ADAMTS17: variants seen among roughly 807,000 people sequenced by gnomAD.
ADAMTS17 encodes A disintegrin and metalloproteinase with thrombospondin motifs 17.
In ADAMTS17, 113 loss-of-function variants were observed where a neutral mutation model predicts 141.5. The observed-to-expected ratio is 0.80, with a 90% CI of 0.69 to 0.93. ADAMTS17 has a LOEUF of 0.93. ADAMTS17 is among the 40% of genes least tolerant of loss of function. The pLI is 0.00. For synonymous variants in ADAMTS17, 768 were observed against 630.6 expected, an observed-to-expected ratio of 1.22 and a Z score of -3.27; for missense variants, 1,659 against 1,517.9, an observed-to-expected ratio of 1.09 and a Z score of -1.54.
intron 3 of ADAMTS17, among the ~76,000 whole-genome samples, chr15:100,286,503 C>G (rs995846117): frequency 1.3e-5 from 2 of 152,178 alleles, no homozygotes; most frequent in Non-Finnish European, 2.9e-5. Flanking sequence ...GACCAGAAAA[C>G]AAAGCTGGGA....
intron 7 of ADAMTS17, among the ~76,000 whole-genome samples, chr15:100,209,574 A>T (rs528142836): frequency 2.8e-4 from 42 of 151,576 alleles, no homozygotes; most frequent in African/African-American, 9.7e-4. Context: ...TGCTGACAGG[A>T]TATAAAAATG....
At chr15:99,987,161 C>T (rs1020377194) in intron 20 of ADAMTS17, among the ~76,000 whole-genome samples, 5 of 152,226 alleles carry the variant, frequency 3.3e-5, no homozygotes, top group Non-Finnish European at 7.3e-5. Flanking sequence ...CCATTCCTCA[C>T]CTCCTTGGAA....
chr15:99,974,972 A>G (rs772725860), intron 21 of ADAMTS17, among the ~76,000 whole-genome samples: 1 of 152,212 alleles, frequency 6.6e-6, no homozygotes, highest in Non-Finnish European at 1.5e-5. Flanking sequence ...AGTGGCCCAA[A>G]TATCCTTCAG....
intron 3 of ADAMTS17, among the ~76,000 whole-genome samples, chr15:100,286,028 G>A (rs2044434804): frequency 6.6e-6 from 1 of 152,142 alleles, no homozygotes; most frequent in Non-Finnish European, 1.5e-5. Context: ...GTGCTTCCCA[G>A]GGGCGGCCCA....
At chr15:100,080,924 T>C (rs564020926) in intron 15 of ADAMTS17, among the ~76,000 whole-genome samples, 2 of 152,328 alleles carry the variant, frequency 1.3e-5, no homozygotes, top group African/African-American at 2.4e-5. Context: ...AGACTATGTG[T>C]GTTCTCAGGA....
chr15:100,322,296 G>C (rs931036761), intron 3 of ADAMTS17, among the ~76,000 whole-genome samples: 1 of 152,138 alleles, frequency 6.6e-6, no homozygotes, highest in African/African-American at 2.4e-5. Context: ...TGCTGGAAAG[G>C]AGAGATCCAC....
chr15:100,341,971 G>C lies in ADAMTS17; in HGVS notation c.-72C>G. 6 of 1,517,028 alleles carry C rather than the reference G, an allele frequency of 4.0e-6. No homozygotes were observed. Among genetic ancestry groups the C allele is most frequent in the Admixed American group, 3.9e-5 (2 of 50,856 alleles). The allele number at this position is 1,517,028 out of a possible 1,614,324, so 94.0% of individuals were successfully genotyped here. A position where few individuals can be genotyped will look rare whatever the true frequency, so the allele number is the denominator to read the frequency against. On this transcript the variant is annotated 5_prime_UTR_variant, in exon 1 of 22. Transcript: ENST00000268070. Reference sequence around the variant, plus strand: ...AGCGCGCTAGGCGGCGGCGCCAGCCGGAGTGAAGCCCTCCAGCCTTTGGAA... The same window carrying C: ...AGCGCGCTAGGCGGCGGCGCCAGCCCGAGTGAAGCCCTCCAGCCTTTGGAA...
At chr15:100,199,220 T>G in intron 8 of ADAMTS17, 98 bp downstream of exon 8, 1 of 1,172,144 alleles carries the variant, frequency 8.5e-7, no homozygotes, top group Non-Finnish European at 1.3e-6. Flanking sequence ...AGCAAAGGCA[T>G]AGAGCAGCAC....
intron 14 of ADAMTS17, among the ~76,000 whole-genome samples, chr15:100,098,160 G>A (rs1323625781): frequency 6.6e-6 from 1 of 152,202 alleles, no homozygotes; most frequent in Non-Finnish European, 1.5e-5. Context: ...TGGCTGGGGA[G>A]ATGTAGGTAA....
At chr15:100,182,929 T>C (rs768933259) in intron 8 of ADAMTS17, among the ~76,000 whole-genome samples, 1 of 152,214 alleles carries the variant, frequency 6.6e-6, no homozygotes, top group Non-Finnish European at 1.5e-5. Flanking sequence ...TTTCGGACTT[T>C]ATTTCTTCAA....
chr15:99,984,354 T>C (rs757872562), intron 20 of ADAMTS17, among the ~76,000 whole-genome samples: 1 of 152,150 alleles, frequency 6.6e-6, no homozygotes, highest in African/African-American at 2.4e-5. Context: ...AAAGCTGCAG[T>C]GAGACAGCTG....
At chr15:100,330,639 T>TATAA (rs1171884707) in intron 3 of ADAMTS17, among the ~76,000 whole-genome samples, 2 of 152,114 alleles carry the variant, frequency 1.3e-5, no homozygotes, top group Non-Finnish European at 2.9e-5. Context: ...GCTCTTGATA[T>TATAA]ATAAAATTGA....
intron 7 of ADAMTS17, among the ~76,000 whole-genome samples, chr15:100,243,687 G>A (rs988817272): frequency 6.6e-6 from 1 of 151,984 alleles, no homozygotes; most frequent in African/African-American, 2.4e-5. Context: ...CTACGTGGGA[G>A]GCTGAGGCAG....
chr15:100,053,962 C>T lies in ADAMTS17; in HGVS notation c.2230G>A (p.Val744Met), dbSNP rs757103791. 6.2e-7 allele frequency: 1 copy of T among 1,614,222 alleles called. No homozygotes were observed. The highest frequency in any genetic ancestry group is 1.7e-5 in the Admixed American group (1 of 60,030). Residue 744 changes from valine to methionine, a missense_variant, in exon 16 of 22, where the codon GTG (valine) becomes ATG (methionine). By Grantham distance (21) the Val-to-Met change is conservative. Coordinates refer to ENST00000268070, the MANE Select transcript of ADAMTS17 (RefSeq NM_139057.4). ...FQIAGTTVRY[V>M]RRGLWEKISA... is the part of the protein sequence containing the mutation. Reference sequence around the variant, plus strand: ...ATCTTCTCCCACAGCCCCCTTCTCACATAGCGAACAGTTGTGCCTGCAATC... The same window carrying T: ...ATCTTCTCCCACAGCCCCCTTCTCATATAGCGAACAGTTGTGCCTGCAATC...
chr15:100,063,079 T>C (rs1421200068), intron 15 of ADAMTS17, among the ~76,000 whole-genome samples: 1 of 152,230 alleles, frequency 6.6e-6, no homozygotes, highest in African/African-American at 2.4e-5. Flanking sequence ...TTTATCAGAA[T>C]GGCTTTGCTC....
chr15:100,165,596 TAA>T (rs374856474), intron 8 of ADAMTS17, among the ~76,000 whole-genome samples: 15 of 152,188 alleles, frequency 9.9e-5, no homozygotes, highest in African/African-American at 3.6e-4. Context: ...GACTCTGAGT[TAA>T]AGATTTGAAA....
At chr15:100,256,764 T>A (rs1268265256) in intron 6 of ADAMTS17, 2 of 152,072 alleles carry the variant, frequency 1.3e-5, no homozygotes, top group African/African-American at 4.8e-5. Context: ...CGAGGAGGAG[T>A]TCTCGACTTC....
chr15:100,292,843 T>G (rs996270643), intron 3 of ADAMTS17, among the ~76,000 whole-genome samples: 1 of 152,210 alleles, frequency 6.6e-6, no homozygotes, highest in Non-Finnish European at 1.5e-5. Flanking sequence ...TGCTGGATTA[T>G]AGGTTTGTCA....
intron 3 of ADAMTS17, among the ~76,000 whole-genome samples, chr15:100,330,225 C>T (rs2141951165): frequency 6.6e-6 from 1 of 152,286 alleles, no homozygotes; most frequent in East Asian, 1.9e-4. Flanking sequence ...CCCTGGCACC[C>T]AAATCATACC....
Sources: gnomAD v4.1 joint callset for allele counts (sites outside exome capture counted in the v4.1 genomes callset) on GRCh38, gnomAD v4.1.1 for gene constraint, MANE v1.5 for transcripts, NCBI Gene and HGNC (gene_info 2026-07-23, HGNC 2026-07-21) for gene names.